Variants in TAMM41 observed in about 807,000 individuals in gnomAD.
TAMM41 encodes the protein TAM41 mitochondrial translocator assembly and maintenance homolog, also known as phosphatidate cytidylyltransferase, mitochondrial.
In TAMM41, 36 loss-of-function variants were observed where a neutral mutation model predicts 44.1. The observed-to-expected ratio is 0.82, with a 90% confidence interval of 0.63 to 1.08. The LOEUF is 1.08. Among genes scored for constraint, TAMM41 ranks in the 50% least tolerant of loss-of-function variants. The pLI is 0.00. For synonymous variants in TAMM41, 164 were observed against 153.1 expected (o/e 1.07, Z -0.53); for missense variants, 417 against 404.3 (o/e 1.03, Z -0.27).
At chr3:11,812,437 C>A (rs911740123) in intron 5 of TAMM41, among the ~76,000 whole-genome samples, 8 of 152,100 alleles carry the variant, frequency 5.3e-5, no homozygotes, top group Non-Finnish European at 8.8e-5. Context: ...TACTATATTC[C>A]CAACTGGCAG....
In TAMM41 at chr3:11,834,305, A is replaced by T. The variant is rs111836127; in HGVS notation, c.412-4441T>A. ...AAAATATATTGCAATGAATACATTAAATCAAAATCCTCTTAACAAGGTGGC... is the reference window on the plus strand; with the variant it reads ...AAAATATATTGCAATGAATACATTATATCAAAATCCTCTTAACAAGGTGGC... On this transcript the variant is annotated intron_variant, in intron 3 of 7. Coordinates refer to ENST00000455809, the MANE Select transcript of TAMM41 (RefSeq NM_001284401.2). 1.6e-3 allele frequency among the ~76,000 whole-genome samples: 248 copies of T among 152,350 alleles called. 1 individual carries two copies. Among genetic ancestry groups the T allele is most frequent in the African/African-American group, 5.7e-3 (236 of 41,578 alleles).
chr3:11,748,294 ATTTT>A, the TAMM41 span, among the ~76,000 whole-genome samples: 2 of 88,154 alleles, frequency 2.3e-5, no homozygotes, highest in African/African-American at 4.8e-5. Flanking sequence ...TTATTTATTT[ATTTT>A]TTGAGATGGA....
rs568960742 is a variant in TAMM41, at chr3:11,791,035, C to G, written c.938-454G>C. 1.8e-4 allele frequency among the ~76,000 whole-genome samples: 27 copies of G among 152,306 alleles called. No individual in the cohort carries two copies. The Middle Eastern group carries it at 0.01, about 58-fold the overall frequency. ...TTCCCATCACTTTCTGCCTCGTTGA[C>G]TTGGAATCCCTGTTTGGATTTCTTC... On this transcript the variant is annotated intron_variant, in intron 7 of 7. Coordinates refer to ENST00000455809, the MANE Select transcript of TAMM41 (RefSeq NM_001284401.2).
At chr3:11,833,639 T>C (rs1209951395) in intron 3 of TAMM41, among the ~76,000 whole-genome samples, 1 of 152,212 alleles carries the variant, frequency 6.6e-6, no homozygotes, top group East Asian at 1.9e-4. Context: ...AAAAATTCCT[T>C]TGGCATACAC....
chr3:11,769,055 G>A, the TAMM41 span, among the ~76,000 whole-genome samples: 2 of 152,172 alleles, frequency 1.3e-5, no homozygotes, highest in Non-Finnish European at 2.9e-5. Flanking sequence ...TGGAGGGGAG[G>A]AGTGGAAGGG....
the TAMM41 span, among the ~76,000 whole-genome samples, chr3:11,723,318 G>A: frequency 0.073 from 11,037 of 151,926 alleles, 425 homozygotes; most frequent in South Asian, 0.11. Context: ...AGTGGCTTAT[G>A]CCTGTATTCC....
rs2078562253 is a variant in TAMM41, at chr3:11,822,485, C to T, written c.563-5148G>A. On this transcript the variant is annotated intron_variant, in intron 4 of 7. Transcript: ENST00000455809. ...AACTCCCTTCATTCCCCATCCCCAGCCTGAATTTAAACATTGCTGTCATTT... is the reference window on the plus strand; with the variant it reads ...AACTCCCTTCATTCCCCATCCCCAGTCTGAATTTAAACATTGCTGTCATTT... 2.0e-5 allele frequency among the ~76,000 whole-genome samples: 3 copies of T among 152,152 alleles called. No homozygotes were observed. In the South Asian group the frequency reaches 6.2e-4, roughly 32 times the overall value.
the TAMM41 span, among the ~76,000 whole-genome samples, chr3:11,753,683 G>T: frequency 3.9e-5 from 6 of 152,212 alleles, no homozygotes; most frequent in Non-Finnish European, 8.8e-5. Context: ...CTTGCAGTGA[G>T]CTGAGGTTGC....
the TAMM41 span, among the ~76,000 whole-genome samples, chr3:11,751,046 C>T: frequency 5.0e-4 from 76 of 151,166 alleles, no homozygotes; most frequent in African/African-American, 1.7e-3. Context: ...CCACAATGCC[C>T]GGAGGAAGAG....
the TAMM41 span, among the ~76,000 whole-genome samples, chr3:11,725,379 TC>T: frequency 4.9e-3 from 707 of 143,520 alleles, 5 homozygotes; most frequent in African/African-American, 8.4e-3. Context: ...CTCCTCCTCT[TC>T]CTCCTCCTTC....
chr3:11,774,137 T>G, the TAMM41 span, among the ~76,000 whole-genome samples: 1 of 152,112 alleles, frequency 6.6e-6, no homozygotes, highest in Non-Finnish European at 1.5e-5. Flanking sequence ...TGTTTCATCA[T>G]CTTATGCAAA....
intron 6 of TAMM41, chr3:11,808,720 G>A: frequency 1.4e-6 from 1 of 723,356 alleles, no homozygotes; most frequent in Non-Finnish European, 1.7e-6. Context: ...TAAGGTTCAG[G>A]CTCTTTTTTT....
the TAMM41 span, among the ~76,000 whole-genome samples, chr3:11,755,125 T>C: frequency 1.3e-5 from 2 of 150,704 alleles, no homozygotes; most frequent in African/African-American, 5.0e-5. Context: ...CCTCCCCTCC[T>C]CCCCTCATCC....
downstream of TAMM41, among the ~76,000 whole-genome samples, chr3:11,790,054 T>C (rs1307642896): frequency 6.6e-6 from 1 of 151,990 alleles, no homozygotes; most frequent in Non-Finnish European, 1.5e-5. Context: ...ACGAAAAGCC[T>C]AGATCCAGGG....
At chr3:11,767,625 C>CCTTTTTTTTTTTTTTTTTT in the TAMM41 span, among the ~76,000 whole-genome samples, 16 of 27,906 alleles carry the variant, frequency 5.7e-4, no homozygotes, top group Non-Finnish European at 8.5e-4. Context: ...ACACGTTGTG[C>CCTTTTTTTTTTTTTTTTTT]ATTTTTTTTT....
intron 7 of TAMM41, among the ~76,000 whole-genome samples, chr3:11,794,866 T>C (rs1575603065): frequency 6.6e-6 from 1 of 152,220 alleles, no homozygotes; most frequent in East Asian, 1.9e-4. Flanking sequence ...AAAATTAGTA[T>C]CCCCAAAACA....
the TAMM41 span, among the ~76,000 whole-genome samples, chr3:11,738,197 C>T: frequency 9.2e-5 from 14 of 152,120 alleles, no homozygotes; most frequent in African/African-American, 3.1e-4. Flanking sequence ...CTAAGAGTAC[C>T]TTTGTAAACT....
At position 11,808,095 on chromosome 3, in the gene TAMM41, G is replaced by A. The variant is rs565438430; in HGVS notation, c.875-200C>T. On this transcript the variant is annotated intron_variant, in intron 6 of 7. Transcript: ENST00000455809. Reference sequence around the variant, plus strand: ...GGAGACCAGAGCAGCCAGCCGTGGCGCCACCCGGCTGTGTGAGTCCAAGCC... The same window carrying A: ...GGAGACCAGAGCAGCCAGCCGTGGCACCACCCGGCTGTGTGAGTCCAAGCC... 9 of 1,135,686 alleles carry A rather than the reference G, an allele frequency of 7.9e-6. No individual in the cohort carries two copies. In the East Asian group the frequency reaches 1.1e-4, roughly 13 times the overall value. The allele number at this position is 1,135,686 out of a possible 1,614,324, so 70.4% of individuals were successfully genotyped here.
chr3:11,845,849 AG>A (rs1390886038), intron 1 of TAMM41, among the ~76,000 whole-genome samples: 4 of 152,236 alleles, frequency 2.6e-5, no homozygotes, highest in Non-Finnish European at 5.9e-5. Flanking sequence ...AACTCTGAAA[AG>A]TAACAATGCC....
Sources: allele counts gnomAD v4.1 joint callset (sites outside exome capture counted in the v4.1 genomes callset), GRCh38; gene constraint gnomAD v4.1.1; transcripts MANE v1.5; gene names NCBI Gene and HGNC (gene_info 2026-07-23, HGNC 2026-07-21).